The following HYDIN variants were observed in gnomAD, a reference collection of about 807,000 sequenced individuals.
The protein encoded by HYDIN is HYDIN axonemal central pair apparatus protein.
Under a neutral mutation model 403.9 loss-of-function variants are expected in HYDIN, and 132 were observed. The observed-to-expected ratio is 0.33, with a 90% confidence interval of 0.28 to 0.38. The LOEUF (loss-of-function observed/expected upper bound fraction) is 0.38, where lower values mean the gene tolerates loss of function less well. Among genes scored for constraint, HYDIN ranks in the 10% least tolerant of loss-of-function variants. HYDIN has a pLI of 1.00. For missense variants in HYDIN, 2,827 were observed against 5,009.5 expected (o/e 0.56, Z 13.15); for synonymous variants, 1,202 against 1,891.7 (o/e 0.64, Z 9.46).
Position 70,803,992 on chromosome 16 carries a change from T to A in HYDIN, c.*3588A>T, listed in dbSNP as rs1044066092. Reference sequence around the variant, plus strand: ...CTGGTCTGCTTTGCTGAGAATGGATTCTCCAATGTAACTTCCACAAGCATG... The same window carrying A: ...CTGGTCTGCTTTGCTGAGAATGGATACTCCAATGTAACTTCCACAAGCATG... On this transcript the variant is annotated 3_prime_UTR_variant, in exon 86 of 86. Coordinates refer to ENST00000393567, the MANE Select transcript of HYDIN (RefSeq NM_001270974.2). 3.3e-5 allele frequency among the ~76,000 whole-genome samples: 5 copies of A among 152,216 alleles called. No homozygotes were observed. Among genetic ancestry groups the A allele is most frequent in the Admixed American group, 6.5e-5 (1 of 15,292 alleles).
intron 36 of HYDIN, among the ~76,000 whole-genome samples, chr16:70,966,081 G>T (rs1156589248): frequency 1.3e-5 from 2 of 151,978 alleles, no homozygotes; most frequent in African/African-American, 4.8e-5. Context: ...GCAGCAACTG[G>T]GGCAACTCCA....
At chr16:70,872,357 CCCATCCATCCATCTATCCATCCAT>C (rs2040163576) in intron 64 of HYDIN, among the ~76,000 whole-genome samples, 178 bp from the exon 65 acceptor site, 1 of 132,856 alleles carries the variant, frequency 7.5e-6, no homozygotes, top group East Asian at 2.0e-4. Flanking sequence ...TATCTATCCA[CCCATCCATCCATCTATCCATCCAT>C]CCATCCATCC....
chr16:71,127,272 A>C lies in HYDIN; in HGVS notation c.1227+2368T>G, dbSNP rs545513042. On this transcript the variant is annotated intron_variant, in intron 9 of 85. Transcript: ENST00000393567. ...GGAAAACAAAATCATGATAGATTCC[A>C]TAAAGACCATTTATATTGGAAGTGA... is the stretch of plus-strand genomic sequence containing the variant. 2.7e-5 allele frequency among the ~76,000 whole-genome samples: 4 copies of C among 148,284 alleles called. No homozygotes were observed. The South Asian group carries it at 6.5e-4, about 24-fold the overall frequency.
intron 58 of HYDIN, among the ~76,000 whole-genome samples, chr16:70,884,992 T>C (rs2041045242): frequency 6.6e-6 from 1 of 152,234 alleles, no homozygotes; most frequent in Admixed American, 6.5e-5. Context: ...AAGTGGGGCA[T>C]GCATTGACAG....
At chr16:70,881,244 AT>A (rs2040780963) in intron 60 of HYDIN, among the ~76,000 whole-genome samples, 1 of 136,474 alleles carries the variant, frequency 7.3e-6, no homozygotes. Flanking sequence ...AAAAAAAAAA[AT>A]CAGTCTTCCT....
intron 53 of HYDIN, among the ~76,000 whole-genome samples, chr16:70,900,122 C>A (rs2076322972): frequency 6.6e-6 from 1 of 151,694 alleles, no homozygotes; most frequent in Non-Finnish European, 1.5e-5. Flanking sequence ...CTGTAGAAGT[C>A]CAGGTGAGAG....
At chr16:71,070,748 C>G (rs1197613289) in intron 13 of HYDIN, among the ~76,000 whole-genome samples, 3 of 131,334 alleles carry the variant, frequency 2.3e-5, no homozygotes, top group Middle Eastern at 3.5e-3. Context: ...GATGGAAATG[C>G]TACTCTTCTA....
intron 80 of HYDIN, among the ~76,000 whole-genome samples, 164 bp from the exon 81 acceptor site, chr16:70,829,994 T>A (rs2036864598): frequency 6.6e-6 from 1 of 152,062 alleles, no homozygotes; most frequent in Non-Finnish European, 1.5e-5. Context: ...AACACATACT[T>A]ACGGGTACCT....
intron 1 of HYDIN, among the ~76,000 whole-genome samples, chr16:71,207,848 G>C (rs2088379926): frequency 6.6e-6 from 1 of 152,130 alleles, no homozygotes; most frequent in Non-Finnish European, 1.5e-5. Flanking sequence ...AATGATGAAA[G>C]GTTTAATTTA....
chr16:71,064,888 C>T (rs1326406169), intron 15 of HYDIN, 48 bp from the exon 16 acceptor site: 1 of 1,595,556 alleles, frequency 6.3e-7, no homozygotes, highest in South Asian at 1.1e-5. Flanking sequence ...AGCTTGTTTA[C>T]ATACAGAAAA....
At chr16:70,821,442 T>C in intron 83 of HYDIN, among the ~76,000 whole-genome samples, 1 of 152,006 alleles carries the variant, frequency 6.6e-6, no homozygotes, top group Non-Finnish European at 1.5e-5. Context: ...CTCTCAGTTT[T>C]AAAGGACATT....
At chr16:70,821,795 T>C (rs1287259021) in intron 83 of HYDIN, among the ~76,000 whole-genome samples, 1 of 152,128 alleles carries the variant, frequency 6.6e-6, no homozygotes, top group Non-Finnish European at 1.5e-5. Flanking sequence ...ATGTTAAATC[T>C]ACTCTGCCTA....
intron 41 of HYDIN, among the ~76,000 whole-genome samples, chr16:70,946,681 C>T (rs1378443060): frequency 6.6e-6 from 1 of 152,026 alleles, no homozygotes; most frequent in Non-Finnish European, 1.5e-5. Context: ...CAGGTGCTTA[C>T]CAGAGTTAGT....
chr16:70,942,879 C>A (rs2077725840), intron 42 of HYDIN, among the ~76,000 whole-genome samples: 1 of 152,154 alleles, frequency 6.6e-6, no homozygotes, highest in African/African-American at 2.4e-5. Context: ...TGTTTCTCAG[C>A]CTTTACTCTG....
At chr16:70,914,077 A>G (rs538067315) in intron 47 of HYDIN, among the ~76,000 whole-genome samples, 1 of 151,498 alleles carries the variant, frequency 6.6e-6, no homozygotes, top group East Asian at 1.9e-4. Context: ...TCCATTCTGC[A>G]GTTCTGTATC....
intron 1 of HYDIN, among the ~76,000 whole-genome samples, chr16:71,217,112 G>C (rs1435310957): frequency 6.6e-6 from 1 of 152,212 alleles, no homozygotes; most frequent in East Asian, 1.9e-4. Flanking sequence ...TGCATTGACT[G>C]TTAATTTAAC....
intron 55 of HYDIN, among the ~76,000 whole-genome samples, chr16:70,893,069 G>C (rs1303470000): frequency 6.6e-6 from 1 of 152,190 alleles, no homozygotes; most frequent in Non-Finnish European, 1.5e-5. Context: ...CACCTAGGCA[G>C]AGGTGGGATG....
chr16:70,880,389 T>A (rs2040714228), intron 60 of HYDIN, among the ~76,000 whole-genome samples: 1 of 145,912 alleles, frequency 6.9e-6, no homozygotes, highest in African/African-American at 2.6e-5. Flanking sequence ...GGAGCTGAGC[T>A]GGGAGCTGGC....
intron 7 of HYDIN, among the ~76,000 whole-genome samples, chr16:71,141,429 TCAAAATCCAGATCC>T (rs2085168954): frequency 1.3e-5 from 2 of 151,974 alleles, no homozygotes; most frequent in Non-Finnish European, 2.9e-5. Context: ...TTCCTATGAC[TCAAAATCCAGATCC>T]CTCTAAAAAA....
Sources: allele counts gnomAD v4.1 joint callset (sites outside exome capture counted in the v4.1 genomes callset), GRCh38; gene constraint gnomAD v4.1.1; transcripts MANE v1.5; gene names NCBI Gene and HGNC (gene_info 2026-07-23, HGNC 2026-07-21).